The following WDR19 variants were observed in gnomAD, a reference collection of about 807,000 sequenced individuals.
WDR19 encodes the protein WD repeat-containing protein 19.
WDR19 carries 121 observed loss-of-function variants against 180.0 expected under a neutral mutation model. That is an observed-to-expected ratio of 0.67 (90% CI 0.58 to 0.78). The LOEUF is 0.78. WDR19 is among the 30% of genes least tolerant of loss of function. WDR19 has a pLI of 0.00. For synonymous variants in WDR19, 497 were observed against 540.7 expected, an observed-to-expected ratio of 0.92 and a Z score of 1.12; for missense variants, 1,450 against 1,640.7, an observed-to-expected ratio of 0.88 and a Z score of 2.01.
At chr4:39,249,843 G>A (rs1156725858) in intron 24 of WDR19, among the ~76,000 whole-genome samples, 1 of 152,010 alleles carries the variant, frequency 6.6e-6, no homozygotes, top group Non-Finnish European at 1.5e-5. Context: ...TGAAATTGAG[G>A]CAATAATTAA....
At chr4:39,280,116 CTTGTTTT>C (rs1422619180) in intron 36 of WDR19, among the ~76,000 whole-genome samples, 100 of 52,462 alleles carry the variant, frequency 1.9e-3, no homozygotes, top group African/African-American at 4.3e-3. Context: ...TTTCCCTTTT[CTTGTTTT>C]TTTTTTTTTT....
intron 5 of WDR19, among the ~76,000 whole-genome samples, chr4:39,196,381 CCTT>C (rs2109270841): frequency 6.6e-6 from 1 of 152,284 alleles, no homozygotes; most frequent in Non-Finnish European, 1.5e-5. Flanking sequence ...ATCTCCAAAA[CCTT>C]CTTGACTCAC....
At chr4:39,200,697 GC>G (rs2109286951) in intron 6 of WDR19, among the ~76,000 whole-genome samples, 1 of 152,188 alleles carries the variant, frequency 6.6e-6, no homozygotes, top group Admixed American at 6.5e-5. Flanking sequence ...AATCACTTTT[GC>G]CATATTTTGT....
intron 9 of WDR19, among the ~76,000 whole-genome samples, chr4:39,208,679 A>G (rs114167846): frequency 0.016 from 2,507 of 152,264 alleles, 30 homozygotes; most frequent in Non-Finnish European, 0.028. Flanking sequence ...ATAACCATGT[A>G]AAAGGATAGA....
At chr4:39,226,178 C>T (rs929340386) in intron 15 of WDR19, among the ~76,000 whole-genome samples, 1 of 152,266 alleles carries the variant, frequency 6.6e-6, no homozygotes, top group Middle Eastern at 3.4e-3. Flanking sequence ...AATCAGGTAT[C>T]TGTCAGGAGT....
At chr4:39,274,727 C>A in intron 32 of WDR19, 81 bp from the exon 33 acceptor site, 2 of 1,501,562 alleles carry the variant, frequency 1.3e-6, no homozygotes, top group Non-Finnish European at 1.8e-6. Context: ...TGTTTTCCTA[C>A]AGAACCAGGG....
chr4:39,253,525 C>A (rs183993389), intron 25 of WDR19, among the ~76,000 whole-genome samples: 20 of 152,116 alleles, frequency 1.3e-4, no homozygotes, highest in Non-Finnish European at 2.9e-4. Context: ...CACCTGTAAT[C>A]CCAGCACTTT....
At chr4:39,273,203 C>A (rs1422592354) in intron 32 of WDR19, 142 bp downstream of exon 32, 5 of 613,984 alleles carry the variant, frequency 8.1e-6, no homozygotes, top group Non-Finnish European at 1.4e-5. Context: ...GTCAGGGCCC[C>A]AAGACCACTC....
At chr4:39,284,006 C>A (rs1048342757) in intron 36 of WDR19, among the ~76,000 whole-genome samples, 3 of 152,136 alleles carry the variant, frequency 2.0e-5, no homozygotes, top group Non-Finnish European at 2.9e-5. Context: ...AAGGAATTCT[C>A]TATTTTTGGT....
At chr4:39,285,028 C>A (rs904412505) in intron 36 of WDR19, among the ~76,000 whole-genome samples, 1 of 149,786 alleles carries the variant, frequency 6.7e-6, no homozygotes, top group Non-Finnish European at 1.5e-5. Context: ...CCACTGTACT[C>A]CAGCCTGGGC....
intron 32 of WDR19, 64 bp from the exon 33 acceptor site, chr4:39,274,731 ACCAGGGTGGAATC>A: frequency 6.5e-7 from 1 of 1,527,562 alleles, no homozygotes; most frequent in Non-Finnish European, 8.9e-7. Context: ...TTCCTACAGA[ACCAGGGTGGAATC>A]CCGCCTGTAT....
Position 39,234,936 on chromosome 4 carries a change from G to A in WDR19, c.2363+61G>A, listed in dbSNP as rs531071846. The A allele has an allele frequency of 3.5e-4, 364 of 1,027,322 alleles. 6 individuals are homozygous for A. The highest frequency in any genetic ancestry group is 3.1e-3 in the South Asian group (214 of 69,208). 63.6% of individuals were successfully genotyped at this position (1,027,322 alleles called of 1,614,324 possible). On this transcript the variant is annotated intron_variant, in intron 20 of 36. Transcript: ENST00000399820. ...TAATGACTGCAAATATCTTCAGTTC[G>A]AAACTTCCATTAATGATAAGGCCCT...
rs753196256 is a variant in WDR19, at chr4:39,194,600, C to A, written c.347C>A (p.Thr116Asn). ...SKVGSFLAVG[T>N]VKGNLLIYNH... The stretch of plus-strand genomic sequence containing the variant: ...GTTGGAAGTTTCCTGGCTGTTGGAA[C>A]TGTTAAAGGAAATTTGCTTATTTAT... The change falls in exon 5 of 37, where the codon ACT (threonine) becomes AAT (asparagine). Residue 116 changes from threonine (T) to asparagine (N), a missense_variant. Thr to Asn is a moderately conservative substitution (Grantham distance 65, BLOSUM62 0). Coordinates refer to ENST00000399820, the MANE Select transcript of WDR19 (RefSeq NM_025132.4). 1 of 1,613,290 alleles carries A rather than the reference C, an allele frequency of 6.2e-7. No homozygotes were observed. The highest frequency in any genetic ancestry group is 8.5e-7 in the Non-Finnish European group (1 of 1,179,554).
intron 6 of WDR19, among the ~76,000 whole-genome samples, chr4:39,200,488 A>G (rs895504880): frequency 1.3e-5 from 2 of 152,160 alleles, no homozygotes; most frequent in Admixed American, 6.5e-5. Context: ...GCTCACTTAC[A>G]TGGGTGTTGA....
intron 17 of WDR19, among the ~76,000 whole-genome samples, chr4:39,231,292 G>C (rs1246897355): frequency 7.3e-6 from 1 of 137,544 alleles, no homozygotes; most frequent in African/African-American, 2.8e-5. Flanking sequence ...CCCACCCTGG[G>C]CAACAGAGTG....
At chr4:39,268,735 C>G (rs567131562) in intron 30 of WDR19, among the ~76,000 whole-genome samples, 3 of 152,292 alleles carry the variant, frequency 2.0e-5, no homozygotes, top group African/African-American at 7.2e-5. Context: ...CTGTCAGATG[C>G]GTGCTAGGAG....
intron 9 of WDR19, among the ~76,000 whole-genome samples, chr4:39,209,322 G>A (rs1319101758): frequency 6.6e-6 from 1 of 151,896 alleles, no homozygotes; most frequent in Non-Finnish European, 1.5e-5. Flanking sequence ...CAAAATACGT[G>A]GGAGGCAGCT....
intron 6 of WDR19, 56 bp downstream of exon 6, chr4:39,199,649 T>A: frequency 7.1e-7 from 1 of 1,406,308 alleles, no homozygotes; most frequent in Non-Finnish European, 9.9e-7. Context: ...CCCAAATAAA[T>A]AGTTTGTCTG....
At chr4:39,185,095 G>A (rs902001512) in intron 1 of WDR19, among the ~76,000 whole-genome samples, 3 of 152,150 alleles carry the variant, frequency 2.0e-5, no homozygotes, top group African/African-American at 7.2e-5. Context: ...CAGCTAGGTT[G>A]GGATTACTTA....
Sources: gnomAD v4.1 joint callset for allele counts (sites outside exome capture counted in the v4.1 genomes callset) on GRCh38, gnomAD v4.1.1 for gene constraint, MANE v1.5 for transcripts, NCBI Gene and HGNC (gene_info 2026-07-23, HGNC 2026-07-21) for gene names.